LPA: variants seen among roughly 807,000 people sequenced by gnomAD.
LPA encodes lipoprotein(a).
LPA carries 199 observed loss-of-function variants against 197.9 expected under a neutral mutation model. The observed-to-expected ratio is 1.01, with a 90% CI of 0.90 to 1.13. The LOEUF is 1.13. LPA is among the 50% of genes most tolerant of loss of function. LPA has a pLI of 0.00. For missense variants in LPA, 1,853 were observed against 1,785.8 expected (o/e 1.04, Z -0.68); for synonymous variants, 715 against 639.5 (o/e 1.12, Z -1.78).
intron 16 of LPA, among the ~76,000 whole-genome samples, chr6:160,610,725 C>CAT (rs1477235577): frequency 1.5e-3 from 233 of 152,236 alleles, no homozygotes; most frequent in Non-Finnish European, 1.9e-3. Context: ...CTCTCCTCTG[C>CAT]TCAGCTAGAT....
At chr6:160,650,193 G>T in intron 2 of LPA, 145 bp downstream of exon 2, 1 of 769,634 alleles carries the variant, frequency 1.3e-6, no homozygotes, top group Non-Finnish European at 2.2e-6. Flanking sequence ...CATACTCTTT[G>T]CTCAAAGTAA....
At chr6:160,595,869 C>A (rs1319233080) in intron 20 of LPA, among the ~76,000 whole-genome samples, 4 of 152,138 alleles carry the variant, frequency 2.6e-5, no homozygotes, top group Non-Finnish European at 4.4e-5. Flanking sequence ...GTACATTGTA[C>A]AATGTTGTAC....
chr6:160,542,424 T>C (rs1172682927), intron 34 of LPA, among the ~76,000 whole-genome samples: 1 of 152,196 alleles, frequency 6.6e-6, no homozygotes, highest in Non-Finnish European at 1.5e-5. Flanking sequence ...TTTCCAAAAG[T>C]ATTGGAACTT....
intron 28 of LPA, among the ~76,000 whole-genome samples, chr6:160,563,629 T>C (rs1031477498): frequency 2.6e-5 from 4 of 152,222 alleles, no homozygotes; most frequent in Admixed American, 2.6e-4. Context: ...CCTTGTTAAT[T>C]TTCTGTCACG....
At chr6:160,600,411 G>C (rs1030157254) in intron 19 of LPA, among the ~76,000 whole-genome samples, 2 of 152,144 alleles carry the variant, frequency 1.3e-5, no homozygotes, top group Non-Finnish European at 2.9e-5. Flanking sequence ...AAAGACCTGA[G>C]AGATAGAGCT....
chr6:160,603,022 C>A (rs1373262120), intron 18 of LPA, among the ~76,000 whole-genome samples: 5 of 144,344 alleles, frequency 3.5e-5, no homozygotes, highest in Non-Finnish European at 7.5e-5. Context: ...TTGGAAATTC[C>A]CTGTCTGATT....
intron 20 of LPA, among the ~76,000 whole-genome samples, chr6:160,596,287 A>T (rs1779130493): frequency 6.6e-6 from 1 of 152,210 alleles, no homozygotes; most frequent in Non-Finnish European, 1.5e-5. Context: ...CAAAGAATCA[A>T]CTTTCTGTTT....
chr6:160,609,540 T>G lies in LPA; in HGVS notation c.2603+2022A>C, dbSNP rs570596346. On this transcript the variant is annotated intron_variant, in intron 16 of 38. Transcript: ENST00000316300. ...TCATGTAGTTTTTTTTCTCGAAATT[T>G]CCTATTTGATCCCTTTAGTTTCATG... 1.6e-4 allele frequency among the ~76,000 whole-genome samples: 24 copies of G among 152,208 alleles called. No individual in the cohort carries two copies. In the South Asian group the frequency reaches 3.3e-3, roughly 21 times the overall value.
intron 28 of LPA, 116 bp downstream of exon 28, chr6:160,577,020 G>A (rs76602267): frequency 2.7e-4 from 344 of 1,278,592 alleles, no homozygotes; most frequent in Admixed American, 4.5e-4. Flanking sequence ...GAGACATTTT[G>A]CCAAAATGTG....
Position 160,548,488 on chromosome 6 carries a change from A to T in LPA, c.5145T>A (p.Pro1715=), listed in dbSNP as rs1562317404. The change falls in exon 31 of 39, where the codon CCT becomes CCA. Residue 1715 remains proline, a synonymous_variant. Transcript: ENST00000316300. ...TVIQVPSLGP[P]SEQDCMFGNG... is the part of the protein sequence containing the mutation. ...ACACAGACTTCTTACCTTGTTCAGA[A>T]GGAGGCCCTAGGCTTGGAACCTGGA... 2 of 1,613,976 alleles carry T rather than the reference A, an allele frequency of 1.2e-6. No homozygotes were observed. The highest frequency in any genetic ancestry group is 1.7e-6 in the Non-Finnish European group (2 of 1,179,992).
chr6:160,607,154 TC>T (rs1779372924), intron 16 of LPA, among the ~76,000 whole-genome samples: 1 of 152,152 alleles, frequency 6.6e-6, no homozygotes, highest in Non-Finnish European at 1.5e-5. Context: ...GGATAACCTT[TC>T]CAGGTCAACC....
chr6:160,538,934 T>C (rs1214338966), intron 36 of LPA, among the ~76,000 whole-genome samples: 1 of 152,148 alleles, frequency 6.6e-6, no homozygotes, highest in Non-Finnish European at 1.5e-5. Context: ...GCAGAGATCT[T>C]GTATTTGCAC....
At chr6:160,534,310 A>G (rs1777851974) in intron 37 of LPA, among the ~76,000 whole-genome samples, 1 of 152,182 alleles carries the variant, frequency 6.6e-6, no homozygotes, top group African/African-American at 2.4e-5. Flanking sequence ...CAAGGCAAAC[A>G]TCCTGATAAG....
At chr6:160,541,789 T>A (rs1219400501) in intron 34 of LPA, among the ~76,000 whole-genome samples, 1 of 152,188 alleles carries the variant, frequency 6.6e-6, no homozygotes, top group African/African-American at 2.4e-5. Flanking sequence ...ATGTTGATAG[T>A]CAGTGAGGAC....
intron 38 of LPA, 126 bp from the exon 39 acceptor site, chr6:160,532,016 C>T: frequency 9.2e-7 from 1 of 1,081,710 alleles, no homozygotes; most frequent in Admixed American, 1.9e-5. Flanking sequence ...AACTTATGAG[C>T]ATATTACTCA....
chr6:160,563,326 C>G (rs1778393777), intron 28 of LPA, among the ~76,000 whole-genome samples: 1 of 151,984 alleles, frequency 6.6e-6, no homozygotes, highest in South Asian at 2.1e-4. Context: ...TGTTATTTAC[C>G]CAGTAGTAAT....
intron 33 of LPA, among the ~76,000 whole-genome samples, 186 bp downstream of exon 33, chr6:160,545,254 A>G (rs1778047171): frequency 6.6e-6 from 1 of 152,000 alleles, no homozygotes; most frequent in Non-Finnish European, 1.5e-5. Context: ...TGTTTTCCTA[A>G]CAAATGGGGC....
chr6:160,557,615 A>C, intron 28 of LPA, 44 bp from the exon 29 acceptor site: 1 of 1,551,130 alleles, frequency 6.4e-7, no homozygotes, highest in South Asian at 1.1e-5. Flanking sequence ...GCGGGAAAAA[A>C]TTCAGGGGCA....
At chr6:160,553,059 T>A (rs1778191380) in intron 30 of LPA, among the ~76,000 whole-genome samples, 1 of 152,188 alleles carries the variant, frequency 6.6e-6, no homozygotes, top group South Asian at 2.1e-4. Flanking sequence ...ATTATATAAC[T>A]TCATGGATAA....
Sources: gnomAD v4.1 joint callset for allele counts (sites outside exome capture counted in the v4.1 genomes callset) on GRCh38, gnomAD v4.1.1 for gene constraint, MANE v1.5 for transcripts, NCBI Gene and HGNC (gene_info 2026-07-23, HGNC 2026-07-21) for gene names.